The following KCNN2 variants were observed in gnomAD, a reference collection of about 807,000 sequenced individuals.
KCNN2 encodes the protein small conductance calcium-activated potassium channel protein 2.
KCNN2 carries 24 observed loss-of-function variants against 55.5 expected under a neutral mutation model. The ratio of observed to expected loss-of-function variants is 0.43; its 90% CI spans 0.31 to 0.61. The LOEUF (loss-of-function observed/expected upper bound fraction) is 0.61, where lower values mean the gene tolerates loss of function less well. KCNN2 is among the 20% of genes least tolerant of loss of function. The probability of loss-of-function intolerance (pLI) is 0.08; values close to 1 mark genes in which losing one functional copy is unlikely to be tolerated. For missense variants in KCNN2, 754 were observed against 853.6 expected (o/e 0.88, Z 1.45); for synonymous variants, 431 against 336.1 (o/e 1.28, Z -3.09).
chr5:114,141,498 A>T (rs1752279897), intron 1 of KCNN2, among the ~76,000 whole-genome samples: 1 of 152,110 alleles, frequency 6.6e-6, no homozygotes, highest in Non-Finnish European at 1.5e-5. Flanking sequence ...TCCATGGTGT[A>T]TATGTGCCAC....
chr5:114,185,427 A>T (rs966121211), intron 1 of KCNN2, among the ~76,000 whole-genome samples: 6 of 152,212 alleles, frequency 3.9e-5, no homozygotes, highest in African/African-American at 1.2e-4. Flanking sequence ...CAGCCTGCCC[A>T]CTGAGGCGGA....
chr5:114,291,374 G>C, intron 2 of KCNN2, among the ~76,000 whole-genome samples: 1 of 151,952 alleles, frequency 6.6e-6, no homozygotes, highest in East Asian at 1.9e-4. Context: ...GGAGTGCGAT[G>C]TTCCCCTTCC....
At chr5:114,201,752 C>T (rs1753677078) in intron 1 of KCNN2, among the ~76,000 whole-genome samples, 1 of 141,340 alleles carries the variant, frequency 7.1e-6, no homozygotes, top group South Asian at 2.3e-4. Context: ...GGAGTGTGGT[C>T]TGGTTGCATC....
intron 5 of KCNN2, among the ~76,000 whole-genome samples, chr5:114,482,961 G>C (rs754368137): frequency 1.3e-5 from 2 of 151,826 alleles, no homozygotes; most frequent in Non-Finnish European, 2.9e-5. Context: ...GGAATGATCT[G>C]TGCAGCAAAC....
At chr5:114,315,470 T>C (rs1200310012) in intron 2 of KCNN2, among the ~76,000 whole-genome samples, 2 of 62,512 alleles carry the variant, frequency 3.2e-5, no homozygotes, top group South Asian at 1.6e-3. Context: ...TGTGTGTATA[T>C]ATATATAAAA....
At chr5:114,111,960 C>G (rs929263833) in intron 1 of KCNN2, among the ~76,000 whole-genome samples, 4 of 152,164 alleles carry the variant, frequency 2.6e-5, no homozygotes, top group African/African-American at 9.7e-5. Context: ...CCATTTGACC[C>G]AGCCATCCCA....
intron 5 of KCNN2, among the ~76,000 whole-genome samples, chr5:114,484,834 G>T (rs1309854516): frequency 6.6e-6 from 1 of 152,148 alleles, no homozygotes; most frequent in African/African-American, 2.4e-5. Flanking sequence ...GTATTTAGAA[G>T]TTTTTAAAAG....
At chr5:114,386,178 GTCT>G (rs1191543555) in intron 2 of KCNN2, among the ~76,000 whole-genome samples, 1 of 118,660 alleles carries the variant, frequency 8.4e-6, no homozygotes. Context: ...GCGAGACTCT[GTCT>G]AAAAAAAAAA....
At chr5:114,360,284 G>A (rs2150043469), upstream of KCNN2, among the ~76,000 whole-genome samples, 1 of 152,128 alleles carries the variant, frequency 6.6e-6, no homozygotes, top group Admixed American at 6.5e-5. Flanking sequence ...TTCATTCCAT[G>A]GCATTGAAAG....
intron 2 of KCNN2, among the ~76,000 whole-genome samples, chr5:114,312,432 C>CAT (rs1561566575): frequency 4.1e-4 from 8 of 19,292 alleles, no homozygotes; most frequent in Non-Finnish European, 4.4e-4. Context: ...CACACACACA[C>CAT]ACATATATAT....
At chr5:114,362,057 A>T (rs983216869), upstream of KCNN2, 1 of 153,648 alleles carries the variant, frequency 6.5e-6, no homozygotes, top group African/African-American at 2.4e-5. Flanking sequence ...TCGCACCAGC[A>T]GCAGGAGTCC....
chr5:114,207,068 T>G (rs149225931), intron 1 of KCNN2, among the ~76,000 whole-genome samples: 1 of 152,312 alleles, frequency 6.6e-6, no homozygotes, highest in African/African-American at 2.4e-5. Flanking sequence ...GTATGTAGTG[T>G]GCATCTACAG....
At chr5:114,329,471 T>A (rs1756769594) in intron 2 of KCNN2, among the ~76,000 whole-genome samples, 1 of 152,202 alleles carries the variant, frequency 6.6e-6, no homozygotes, top group Non-Finnish European at 1.5e-5. Flanking sequence ...CCCATGCTGG[T>A]TGCTTCCTGC....
At chr5:114,298,240 G>C (rs1400396721) in intron 2 of KCNN2, among the ~76,000 whole-genome samples, 1 of 152,210 alleles carries the variant, frequency 6.6e-6, no homozygotes, top group African/African-American at 2.4e-5. Context: ...CACAGAGATG[G>C]TTCTGCTAGG....
chr5:114,308,995 C>G (rs1756344217), intron 2 of KCNN2, among the ~76,000 whole-genome samples: 2 of 152,154 alleles, frequency 1.3e-5, no homozygotes, highest in South Asian at 4.1e-4. Context: ...CTCCGTGACT[C>G]AAAATTATTA....
chr5:114,150,356 C>A (rs1752496413), intron 1 of KCNN2, among the ~76,000 whole-genome samples: 1 of 152,178 alleles, frequency 6.6e-6, no homozygotes, highest in Admixed American at 6.5e-5. Flanking sequence ...CATCTACAAC[C>A]ATCTGATCTT....
chr5:114,304,906 T>C (rs1756237137), intron 2 of KCNN2, among the ~76,000 whole-genome samples: 1 of 152,216 alleles, frequency 6.6e-6, no homozygotes, highest in Admixed American at 6.5e-5. Flanking sequence ...TGCAACACTT[T>C]GTCTTCTGCC....
chr5:114,236,950 G>A (rs1014699247), intron 2 of KCNN2, among the ~76,000 whole-genome samples: 1 of 151,760 alleles, frequency 6.6e-6, no homozygotes, highest in Admixed American at 6.6e-5. Flanking sequence ...TGTAACTTTC[G>A]GTAAAATATA....
chr5:114,484,700 A>C (rs1476284762), intron 5 of KCNN2, among the ~76,000 whole-genome samples: 1 of 152,086 alleles, frequency 6.6e-6, no homozygotes, highest in Non-Finnish European at 1.5e-5. Context: ...TCTGGGACAT[A>C]TTGTTTTGTG....
Sources: allele counts gnomAD v4.1 joint callset (sites outside exome capture counted in the v4.1 genomes callset), GRCh38; gene constraint gnomAD v4.1.1; transcripts MANE v1.5; gene names NCBI Gene and HGNC (gene_info 2026-07-23, HGNC 2026-07-21).